The following CYFIP2 variants were observed in gnomAD, a reference collection of about 807,000 sequenced individuals.
CYFIP2 encodes cytoplasmic FMR1-interacting protein 2.
In CYFIP2, 29 loss-of-function variants were observed where a neutral mutation model predicts 158.7. That is an observed-to-expected ratio of 0.18 (90% CI 0.14 to 0.25). The LOEUF (loss-of-function observed/expected upper bound fraction) is 0.25, where lower values mean the gene tolerates loss of function less well. Among genes scored for constraint, CYFIP2 ranks in the 10% least tolerant of loss-of-function variants. The probability of loss-of-function intolerance (pLI) is 1.00; values close to 1 mark genes in which losing one functional copy is unlikely to be tolerated. For missense variants in CYFIP2, 852 were observed against 1,639.5 expected (o/e 0.52, Z 8.29); for synonymous variants, 585 against 617.6 (o/e 0.95, Z 0.78).
At chr5:157,336,064 T>C (rs1319388733) in intron 21 of CYFIP2, among the ~76,000 whole-genome samples, 1 of 152,152 alleles carries the variant, frequency 6.6e-6, no homozygotes, top group Non-Finnish European at 1.5e-5. Flanking sequence ...CGCTCTCCGA[T>C]GGGTCTGGAT....
chr5:157,331,678 T>G (rs1209354513), intron 20 of CYFIP2, among the ~76,000 whole-genome samples: 2 of 152,122 alleles, frequency 1.3e-5, no homozygotes, highest in Non-Finnish European at 2.9e-5. Context: ...CAATGAGAGC[T>G]TTTCTTTCAC....
At chr5:157,372,550 A>G (rs1765091655) in intron 26 of CYFIP2, among the ~76,000 whole-genome samples, 1 of 152,220 alleles carries the variant, frequency 6.6e-6, no homozygotes, top group African/African-American at 2.4e-5. Flanking sequence ...ACATATGAGG[A>G]GGAGGAAAGT....
chr5:157,333,018 A>G (rs1171159978), intron 20 of CYFIP2, among the ~76,000 whole-genome samples: 1 of 152,194 alleles, frequency 6.6e-6, no homozygotes, highest in Non-Finnish European at 1.5e-5. Context: ...GAAAAGGGAA[A>G]AAAAGGAGGG....
chr5:157,312,175 C>T (rs1759779324), intron 11 of CYFIP2, among the ~76,000 whole-genome samples: 1 of 151,968 alleles, frequency 6.6e-6, no homozygotes, highest in Non-Finnish European at 1.5e-5. Context: ...AACACTCGTA[C>T]TCATAACGCT....
intron 22 of CYFIP2, 146 bp downstream of exon 22, chr5:157,339,402 C>G (rs1762084369): frequency 1.4e-6 from 1 of 691,092 alleles, no homozygotes; most frequent in African/African-American, 1.8e-5. Context: ...TTTGTGCTGT[C>G]TCACTTGCCT....
chr5:157,315,123 C>T, intron 13 of CYFIP2, 29 bp downstream of exon 13: 2 of 1,611,940 alleles, frequency 1.2e-6, no homozygotes, highest in Non-Finnish European at 1.7e-6. Flanking sequence ...CATCTCCCTC[C>T]CTCCCCAAGG....
chr5:157,354,355 G>A (rs1460044562), intron 23 of CYFIP2, among the ~76,000 whole-genome samples: 8 of 152,084 alleles, frequency 5.3e-5, no homozygotes, highest in Non-Finnish European at 1.2e-4. Context: ...TTGGTTCAAT[G>A]GCAAGTTTCC....
At chr5:157,317,133 C>T (rs1760212235) in intron 13 of CYFIP2, among the ~76,000 whole-genome samples, 1 of 152,082 alleles carries the variant, frequency 6.6e-6, no homozygotes, top group Non-Finnish European at 1.5e-5. Context: ...GATGCTCCCG[C>T]AACCCACTTC....
At chr5:157,302,085 CA>C (rs1758796343) in intron 6 of CYFIP2, among the ~76,000 whole-genome samples, 1 of 152,186 alleles carries the variant, frequency 6.6e-6, no homozygotes, top group African/African-American at 2.4e-5. Context: ...AAATTTTCCC[CA>C]CCTGTAGCCA....
At position 157,339,186 on chromosome 5, in the gene CYFIP2, A is replaced by T; in HGVS notation, c.2515A>T (p.Thr839Ser). The change falls in exon 22 of 31, where the codon ACC (threonine) becomes TCC (serine). Residue 839 changes from threonine to serine, a missense_variant. Thr to Ser is a moderately conservative substitution (Grantham distance 58). Coordinates refer to ENST00000620254, the MANE Select transcript of CYFIP2 (RefSeq NM_001037333.3). ...TGTGTCCGCCCCCTATGGCCGTATCACCCTGCATGTCTTCTGGGAACTGAA... is the reference window on the plus strand; with the variant it reads ...TGTGTCCGCCCCCTATGGCCGTATCTCCCTGCATGTCTTCTGGGAACTGAA... ...HNVSAPYGRI[T>S]LHVFWELNFD... 1 of 1,613,812 alleles carries T rather than the reference A, an allele frequency of 6.2e-7. No individual in the cohort carries two copies. The highest frequency in any genetic ancestry group is 8.5e-7 in the Non-Finnish European group (1 of 1,179,884).
Position 157,395,188 on chromosome 5 carries a change from T to C in CYFIP2, c.*2188T>C, listed in dbSNP as rs3087968. 44,799 of 216,156 alleles carry C rather than the reference T, an allele frequency of 0.21. 5,524 individuals carry two copies. The highest frequency in any genetic ancestry group is 0.35 in the African/African-American group (14,854 of 41,900). 13.4% of individuals were successfully genotyped at this position (216,156 alleles called of 1,614,324 possible). On this transcript the variant is annotated 3_prime_UTR_variant, in exon 31 of 31. Coordinates refer to ENST00000620254, the MANE Select transcript of CYFIP2 (RefSeq NM_001037333.3). ...GGTCTTCCCTTTCAGCAGAAAGATT[T>C]CATTTCCCTGGCTTGCCAGTGGCAC...
intron 26 of CYFIP2, among the ~76,000 whole-genome samples, chr5:157,373,118 C>T (rs1381531959): frequency 2.0e-5 from 3 of 152,202 alleles, no homozygotes; most frequent in East Asian, 3.8e-4. Context: ...ACTTAAAATT[C>T]AAACTCCCAA....
At chr5:157,356,370 A>G (rs1763411199) in intron 23 of CYFIP2, among the ~76,000 whole-genome samples, 1 of 152,150 alleles carries the variant, frequency 6.6e-6, no homozygotes, top group African/African-American at 2.4e-5. Context: ...TCCTAATACT[A>G]TCATATTGGC....
chr5:157,393,151 G>A lies in CYFIP2; in HGVS notation c.*151G>A, dbSNP rs1767478714. 2 of 770,062 alleles carry A rather than the reference G, an allele frequency of 2.6e-6. No individual in the cohort carries two copies. The highest frequency in any genetic ancestry group is 2.8e-5 in the East Asian group (1 of 35,626). 47.7% of individuals were successfully genotyped at this position (770,062 alleles called of 1,614,324 possible). On this transcript the variant is annotated 3_prime_UTR_variant, in exon 31 of 31. Coordinates refer to ENST00000620254, the MANE Select transcript of CYFIP2 (RefSeq NM_001037333.3). ...AAACACATCACCACTCCCTAGGGCG[G>A]GGCCTGTGCATGCTCTCCCATGACA...
chr5:157,288,584 C>G (rs1426209170), intron 3 of CYFIP2: 1 of 455,860 alleles, frequency 2.2e-6, no homozygotes, highest in Non-Finnish European at 4.4e-6. Context: ...GATAAGCTTA[C>G]CATTTATCGA....
intron 21 of CYFIP2, among the ~76,000 whole-genome samples, chr5:157,334,241 G>A (rs1486546450): frequency 1.3e-5 from 2 of 152,202 alleles, no homozygotes; most frequent in African/African-American, 4.8e-5. Flanking sequence ...GAGACATAGG[G>A]TAGGTTGCCA....
At chr5:157,282,420 A>G (rs1367051053) in intron 1 of CYFIP2, among the ~76,000 whole-genome samples, 1 of 152,176 alleles carries the variant, frequency 6.6e-6, no homozygotes, top group African/African-American at 2.4e-5. Context: ...ACATGATCCA[A>G]ACACCTCCCA....
chr5:157,338,486 T>A (rs1762014385), intron 21 of CYFIP2, among the ~76,000 whole-genome samples: 1 of 152,244 alleles, frequency 6.6e-6, no homozygotes, highest in South Asian at 2.1e-4. Flanking sequence ...TTACTTAACT[T>A]CTCAAAGCCT....
rs1580972415 is a variant in CYFIP2, at chr5:157,285,625, C to G, written c.117+147C>G. 6 of 671,100 alleles carry G rather than the reference C, an allele frequency of 8.9e-6. No individual in the cohort carries two copies. In the East Asian group the frequency reaches 1.7e-4, roughly 19 times the overall value. 41.6% of individuals were successfully genotyped at this position (671,100 alleles called of 1,614,324 possible). A position where few individuals can be genotyped will look rare whatever the true frequency, so the allele number is the denominator to read the frequency against. On this transcript the variant is annotated intron_variant, in intron 2 of 30. Coordinates refer to ENST00000620254, the MANE Select transcript of CYFIP2 (RefSeq NM_001037333.3). ...TGGAGTCCCTTGTGCGCTGGTAGAG[C>G]CGAGTATAAGGAACAGATTAGCTAC...
Sources: gnomAD v4.1 joint callset for allele counts (sites outside exome capture counted in the v4.1 genomes callset) on GRCh38, gnomAD v4.1.1 for gene constraint, MANE v1.5 for transcripts, NCBI Gene and HGNC (gene_info 2026-07-23, HGNC 2026-07-21) for gene names.